Variants in FNBP1 observed in about 807,000 individuals in gnomAD.
FNBP1 encodes formin binding protein 1.
A neutral mutation model predicts 90.6 loss-of-function variants in FNBP1; 26 were observed. The ratio of observed to expected loss-of-function variants is 0.29; its 90% confidence interval spans 0.21 to 0.40. FNBP1 has a LOEUF of 0.40. Ranked by LOEUF, FNBP1 falls within the 10% of genes least tolerant of loss-of-function variation. FNBP1 has a pLI of 1.00. For missense variants in FNBP1, 635 were observed against 768.0 expected (o/e 0.83, Z 2.05); for synonymous variants, 260 against 265.2 (o/e 0.98, Z 0.19).
chr9:129,904,697 C>T (rs1214682923), intron 12 of FNBP1, among the ~76,000 whole-genome samples: 2 of 152,120 alleles, frequency 1.3e-5, no homozygotes, highest in Admixed American at 1.3e-4. Flanking sequence ...CTCTTCCTTC[C>T]TTCCTATCTT....
At chr9:129,932,615 C>T (rs1443745825) in intron 6 of FNBP1, among the ~76,000 whole-genome samples, 1 of 152,106 alleles carries the variant, frequency 6.6e-6, no homozygotes, top group African/African-American at 2.4e-5. Flanking sequence ...TTTCTTAAGG[C>T]CTTTGGATCT....
intron 13 of FNBP1, among the ~76,000 whole-genome samples, chr9:129,901,792 G>A (rs1239343361): frequency 6.6e-6 from 1 of 152,090 alleles, no homozygotes; most frequent in Non-Finnish European, 1.5e-5. Flanking sequence ...CACACCTGTA[G>A]TCCCAGCTAC....
chr9:129,988,683 A>G (rs2052674238), intron 2 of FNBP1, among the ~76,000 whole-genome samples: 1 of 150,878 alleles, frequency 6.6e-6, no homozygotes, highest in South Asian at 2.1e-4. Flanking sequence ...TCTCGAAGAG[A>G]AAAAAAAAAT....
rs572396065 is a variant in FNBP1 at position 129,957,999 on chromosome 9, C to T, written c.408+492G>A. 7.6e-4 allele frequency among the ~76,000 whole-genome samples: 116 copies of T among 152,218 alleles called. No individual in the cohort carries two copies. Among genetic ancestry groups the T allele is most frequent in the African/African-American group, 2.6e-3 (110 of 41,526 alleles). ...AAATACTCAACTTGAGCTCTTTTGG[C>T]TCAACTTTAGATAATGGTTCTAGAA... On this transcript the variant is annotated intron_variant, in intron 5 of 16. Transcript: ENST00000446176. This position sits in a 1 kb window ranked among gnomAD's most constrained non-coding sequence, Gnocchi z 4.3.
At chr9:129,958,453 T>A in intron 5 of FNBP1, 38 bp downstream of exon 5, 1 of 1,467,674 alleles carries the variant, frequency 6.8e-7, no homozygotes, top group Non-Finnish European at 9.2e-7. Flanking sequence ...AAAAAAAATC[T>A]ATAAAGCCGT....
At chr9:129,905,608 C>T (rs1478162401) in intron 12 of FNBP1, among the ~76,000 whole-genome samples, 3 of 152,038 alleles carry the variant, frequency 2.0e-5, no homozygotes, top group South Asian at 2.1e-4. Context: ...CATGCCCAGC[C>T]GCTTCTATTT....
chr9:129,978,560 C>A lies in FNBP1; in HGVS notation c.250G>T (p.Ala84Ser). The change falls in exon 4 of 17, where the codon GCA (alanine) becomes TCA (serine). Residue 84 changes from alanine to serine, a missense_variant. Ala to Ser is a moderately conservative substitution (Grantham distance 99). Coordinates refer to ENST00000446176, the MANE Select transcript of FNBP1 (RefSeq NM_015033.3). ...ISNLNEMNDY[A>S]GQHEVISENM... ...TCGGAGATAACTTCATGCTGCCCTGCGTAATCATTCATTTCGTTCAGGTTG... is the reference window on the plus strand; with the variant it reads ...TCGGAGATAACTTCATGCTGCCCTGAGTAATCATTCATTTCGTTCAGGTTG... 1 of 1,613,666 alleles carries A rather than the reference C, an allele frequency of 6.2e-7. No individual in the cohort carries two copies. Among genetic ancestry groups the A allele is most frequent in the Non-Finnish European group, 8.5e-7 (1 of 1,179,732 alleles).
At position 129,890,302 on chromosome 9, in the gene FNBP1, G is replaced by A. The variant is rs1049227883; in HGVS notation, c.*237C>T. On this transcript the variant is annotated 3_prime_UTR_variant, in exon 17 of 17. Coordinates refer to ENST00000446176, the MANE Select transcript of FNBP1 (RefSeq NM_015033.3). The surrounding 1 kb of genome is among the most constrained non-coding windows in gnomAD (Gnocchi z 5.8). ...GCGGGGTGGGGAGGGGGAGCGATGA[G>A]GACTGACCCGAGCCATGGGGGTGGG... 8.3e-5 allele frequency: 49 copies of A among 589,650 alleles called. No individual in the cohort carries two copies. In the East Asian group the frequency reaches 1.2e-3, roughly 15 times the overall value. The allele number at this position is 589,650 out of a possible 1,614,324, so 36.5% of individuals were successfully genotyped here. A position where few individuals can be genotyped will look rare whatever the true frequency, so the allele number is the denominator to read the frequency against.
chr9:129,980,308 C>T (rs985739918), intron 2 of FNBP1, among the ~76,000 whole-genome samples: 4 of 149,042 alleles, frequency 2.7e-5, no homozygotes, highest in African/African-American at 5.0e-5. Flanking sequence ...TTCGGTGAGC[C>T]GAGATCGCAC....
chr9:130,000,885 C>A (rs1316982914), intron 1 of FNBP1, among the ~76,000 whole-genome samples: 1 of 152,180 alleles, frequency 6.6e-6, no homozygotes, highest in African/African-American at 2.4e-5. Context: ...ACTTACAACT[C>A]AGGATCATGT....
intron 1 of FNBP1, among the ~76,000 whole-genome samples, chr9:130,016,417 C>T (rs1195538222): frequency 6.6e-6 from 1 of 152,204 alleles, no homozygotes; most frequent in East Asian, 1.9e-4. Context: ...TCAGTCAAGA[C>T]ATACTGCACT....
intron 13 of FNBP1, among the ~76,000 whole-genome samples, chr9:129,902,345 C>A (rs775001110): frequency 6.6e-6 from 1 of 152,156 alleles, no homozygotes; most frequent in Non-Finnish European, 1.5e-5. Flanking sequence ...CAGCTGTAAT[C>A]CCAGCACTCT....
chr9:129,965,216 C>G (rs760611766), intron 4 of FNBP1, among the ~76,000 whole-genome samples: 1 of 152,216 alleles, frequency 6.6e-6, no homozygotes, highest in Non-Finnish European at 1.5e-5. Flanking sequence ...CCACTTAAAA[C>G]CCAAACCAGA....
At chr9:130,009,174 A>G (rs1033136751) in intron 1 of FNBP1, among the ~76,000 whole-genome samples, 1 of 152,214 alleles carries the variant, frequency 6.6e-6, no homozygotes, top group Non-Finnish European at 1.5e-5. Context: ...AACACCAAGG[A>G]AAAAGATTTT....
Position 129,923,983 on chromosome 9 carries a change from G to A in FNBP1, c.1031C>T (p.Pro344Leu), listed in dbSNP as rs780787179. 6.5e-7 allele frequency: 1 copy of A among 1,528,012 alleles called. No individual in the cohort carries two copies. Among genetic ancestry groups the A allele is most frequent in the South Asian group, 1.2e-5 (1 of 82,092 alleles). The allele number at this position is 1,528,012 out of a possible 1,614,324, so 94.7% of individuals were successfully genotyped here. The change falls in exon 10 of 17, where the codon CCT becomes CTT. Residue 344 changes from proline to leucine, a missense_variant. Pro to Leu is a moderately conservative substitution (Grantham distance 98). Transcript: ENST00000446176. ...AGCAGAGGGTGAGGCAGAGGCAGGA[G>A]GGGGAGGGGGAGGCTGATGGGGGGA... ...LTSPHQPPPP[P>L]PASASPSAVP... is the part of the protein sequence containing the mutation.
rs202017570 is a variant in FNBP1 at position 129,938,017 on chromosome 9, A to G, written c.514-8322T>C. 8.5e-5 allele frequency among the ~76,000 whole-genome samples: 13 copies of G among 152,174 alleles called. No individual in the cohort carries two copies. In the East Asian group the frequency reaches 2.5e-3, roughly 29 times the overall value. ...ATCTCTACTAAAAAATACAAAAATT[A>G]GTCGAGTGTGGTGGTGCGTGCCTGT... On this transcript the variant is annotated intron_variant, in intron 6 of 16. Transcript: ENST00000446176.
intron 1 of FNBP1, among the ~76,000 whole-genome samples, chr9:130,037,747 A>G (rs2059451631): frequency 6.6e-6 from 1 of 152,172 alleles, no homozygotes; most frequent in African/African-American, 2.4e-5. Flanking sequence ...AAAATAGTCT[A>G]TTTTCCAAAA....
At chr9:129,997,515 G>A (rs1434630093) in intron 1 of FNBP1, among the ~76,000 whole-genome samples, 2 of 152,130 alleles carry the variant, frequency 1.3e-5, no homozygotes, top group Non-Finnish European at 2.9e-5. Context: ...AGCTAATAGT[G>A]TAAACGAGAC....
In FNBP1 at chr9:130,030,601, T is replaced by C. The variant is rs1293113429; in HGVS notation, c.24+12351A>G. Among the ~76,000 whole-genome samples, 5 of 152,280 alleles carry C rather than the reference T, an allele frequency of 3.3e-5. No individual in the cohort carries two copies. The East Asian group carries it at 9.6e-4, about 29-fold the overall frequency. On this transcript the variant is annotated intron_variant, in intron 1 of 16. Transcript: ENST00000446176. ...AGGAGGCAGAAGCCTAGGGCTCCCATTGTCATCAGCCATTACACTCATCCA... is the reference window on the plus strand; with the variant it reads ...AGGAGGCAGAAGCCTAGGGCTCCCACTGTCATCAGCCATTACACTCATCCA...
Sources: allele counts gnomAD v4.1 joint callset (sites outside exome capture counted in the v4.1 genomes callset), GRCh38; gene constraint gnomAD v4.1.1; non-coding constraint Gnocchi (gnomAD v3.1); transcripts MANE v1.5; gene names NCBI Gene and HGNC (gene_info 2026-07-23, HGNC 2026-07-21).